QSOX1: variants seen among roughly 807,000 people sequenced by gnomAD.
The protein encoded by QSOX1 is quiescin sulfhydryl oxidase 1.
A neutral mutation model predicts 76.1 loss-of-function variants in QSOX1; 40 were observed. The ratio of observed to expected loss-of-function variants is 0.53; its 90% CI spans 0.41 to 0.68. The LOEUF (loss-of-function observed/expected upper bound fraction) is 0.68, where lower values mean the gene tolerates loss of function less well. QSOX1 is among the 30% of genes least tolerant of loss of function. The probability of loss-of-function intolerance (pLI) is 0.00; values close to 1 mark genes in which losing one functional copy is unlikely to be tolerated. For missense variants in QSOX1, 931 were observed against 974.3 expected, an observed-to-expected ratio of 0.96 and a Z score of 0.59; for synonymous variants, 392 against 413.1, an observed-to-expected ratio of 0.95 and a Z score of 0.62.
chr1:180,168,489 G>T (rs1662685545), intron 2 of QSOX1, among the ~76,000 whole-genome samples: 1 of 152,232 alleles, frequency 6.6e-6, no homozygotes, highest in African/African-American at 2.4e-5. Context: ...GAGCTGGCAG[G>T]TCTCTGCTCT....
chr1:180,183,993 C>T lies in QSOX1; in HGVS notation c.830C>T (p.Thr277Ile), dbSNP rs1663105102. ...SGLTREAAQT[T>I]VAPTTANKIA... ...CTCACCAGGGAGGCTGCCCAGACCACAGTTGCACCAACCACTGCTAACAAG... is the reference window on the plus strand; with the variant it reads ...CTCACCAGGGAGGCTGCCCAGACCATAGTTGCACCAACCACTGCTAACAAG... Residue 277 changes from threonine to isoleucine, a missense_variant, in exon 7 of 12, where the codon ACA (threonine) becomes ATA (isoleucine). Thr to Ile is a moderately conservative substitution (Grantham distance 89, BLOSUM62 -1). Transcript: ENST00000367602. 2 of 1,614,050 alleles carry T rather than the reference C, an allele frequency of 1.2e-6. No individual in the cohort carries two copies. The highest frequency in any genetic ancestry group is 1.3e-5 in the African/African-American group (1 of 74,922).
rs1417855917 is a variant in QSOX1, at chr1:180,196,467, G to C, written c.1674G>C (p.Val558=). 2 of 1,614,034 alleles carry C rather than the reference G, an allele frequency of 1.2e-6. No homozygotes were observed. Among genetic ancestry groups the C allele is most frequent in the African/African-American group, 2.7e-5 (2 of 75,056 alleles). Residue 558 remains valine, a synonymous_variant, in exon 12 of 12, where the codon GTG becomes GTC. Coordinates refer to ENST00000367602, the MANE Select transcript of QSOX1 (RefSeq NM_002826.5). The surrounding 1 kb of genome is among the most constrained non-coding windows in gnomAD (Gnocchi z 4.1). The part of the protein sequence containing the change: ...GSAARRDVQN[V]AAAPELAMGA... ...CTGCCCGGAGGGATGTGCAGAATGT[G>C]GCAGCCGCCCCAGAGCTGGCGATGG...
intron 8 of QSOX1, among the ~76,000 whole-genome samples, chr1:180,186,406 G>A (rs576310894): frequency 6.6e-6 from 1 of 152,344 alleles, no homozygotes; most frequent in Admixed American, 6.5e-5. Context: ...CCATGCAGCA[G>A]TGTGGGTGGG....
intron 2 of QSOX1, among the ~76,000 whole-genome samples, chr1:180,173,255 C>T (rs1444361540): frequency 1.3e-5 from 2 of 152,112 alleles, no homozygotes; most frequent in Admixed American, 1.3e-4. Context: ...AGCCACTGCA[C>T]CTGACCTGGT....
intron 10 of QSOX1, 80 bp from the exon 11 acceptor site, chr1:180,194,133 G>C: frequency 7.2e-7 from 1 of 1,386,996 alleles, no homozygotes; most frequent in Non-Finnish European, 9.8e-7. Context: ...GATGGGGGGC[G>C]GCAGGGTGGC....
intron 2 of QSOX1, among the ~76,000 whole-genome samples, chr1:180,169,990 T>C (rs899999367): frequency 6.6e-6 from 1 of 152,072 alleles, no homozygotes; most frequent in Non-Finnish European, 1.5e-5. Context: ...GCGGGCCTTA[T>C]AGGCAGGCGA....
intron 7 of QSOX1, among the ~76,000 whole-genome samples, chr1:180,184,428 C>A (rs6664185): frequency 3.9e-5 from 6 of 152,238 alleles, no homozygotes; most frequent in African/African-American, 1.4e-4. Flanking sequence ...TTTGAGTACT[C>A]ACTATGTGCT....
rs114901198 is a variant in QSOX1 at position 180,184,310 on chromosome 1, C to T, written c.887+260C>T. 7.2e-3 allele frequency among the ~76,000 whole-genome samples: 1,096 copies of T among 152,278 alleles called. 13 individuals carry two copies. Among genetic ancestry groups the T allele is most frequent in the Admixed American group, 8.0e-3 (122 of 15,304 alleles). On this transcript the variant is annotated intron_variant, in intron 7 of 11. Transcript: ENST00000367602. ...GGGGAATGAACACCTTCCATGCCCA[C>T]GCTCCTTCAGCTTAACTCTGCTCAC... is the stretch of plus-strand genomic sequence containing the variant.
intron 5 of QSOX1, among the ~76,000 whole-genome samples, chr1:180,181,153 C>G (rs941780169): frequency 6.6e-6 from 1 of 152,054 alleles, no homozygotes; most frequent in Non-Finnish European, 1.5e-5. Context: ...TTAGCTAGTG[C>G]TTTCTCTTTA....
At position 180,182,104 on chromosome 1, in the gene QSOX1, C is replaced by T. The variant is rs372986163; in HGVS notation, c.607-70C>T. On this transcript the variant is annotated intron_variant, in intron 5 of 11. Coordinates refer to ENST00000367602, the MANE Select transcript of QSOX1 (RefSeq NM_002826.5). Reference sequence around the variant, plus strand: ...CCATCTGGGTGCCTTCACAGGTCACCGAGCTGGGACCCAGCCCTGGCTCCC... The same window carrying T: ...CCATCTGGGTGCCTTCACAGGTCACTGAGCTGGGACCCAGCCCTGGCTCCC... 6.3e-5 allele frequency: 99 copies of T among 1,562,842 alleles called. 1 individual carries two copies. In the Middle Eastern group the frequency reaches 1.5e-3, roughly 24 times the overall value.
intron 8 of QSOX1, 115 bp from the exon 9 acceptor site, chr1:180,189,437 C>CT: frequency 2.6e-6 from 1 of 387,716 alleles, no homozygotes; most frequent in Non-Finnish European, 4.7e-6. Context: ...CTCCTCCCCA[C>CT]TGCCCCCCGC....
intron 1 of QSOX1, among the ~76,000 whole-genome samples, chr1:180,165,366 C>T (rs771608267): frequency 6.6e-6 from 1 of 152,224 alleles, no homozygotes; most frequent in Non-Finnish European, 1.5e-5. Context: ...CCATGGACGT[C>T]ATCCTGAGCT....
At chr1:180,181,938 A>T (rs1663048931) in intron 5 of QSOX1, among the ~76,000 whole-genome samples, 1 of 152,244 alleles carries the variant, frequency 6.6e-6, no homozygotes, top group Non-Finnish European at 1.5e-5. Flanking sequence ...CGTGTGTGGC[A>T]TGCACAGCTC....
chr1:180,197,565 C>T lies in QSOX1; in HGVS notation c.*528C>T, dbSNP rs143155809. The T allele has an allele frequency of 7.7e-5, 48 of 624,422 alleles. No individual in the cohort carries two copies. Among genetic ancestry groups the T allele is most frequent in the African/African-American group, 7.2e-4 (39 of 54,322 alleles). 38.7% of individuals were successfully genotyped at this position (624,422 alleles called of 1,614,324 possible). On this transcript the variant is annotated 3_prime_UTR_variant, in exon 12 of 12. Transcript: ENST00000367602. ...GGGCCCTCTATGCCTGGCCAGCCTC[C>T]AGCTCCTCAGACCTCCTGGGTGGGG...
At chr1:180,173,880 G>A (rs1662817589) in intron 2 of QSOX1, among the ~76,000 whole-genome samples, 1 of 152,210 alleles carries the variant, frequency 6.6e-6, no homozygotes, top group Non-Finnish European at 1.5e-5. Flanking sequence ...AAGGTAGATG[G>A]TGTCATCCTC....
chr1:180,196,812 C>A lies in QSOX1; in HGVS notation c.2019C>A (p.Arg673=), dbSNP rs3738114. The A allele has an allele frequency of 1.4e-3, 2,207 of 1,611,176 alleles. 22 individuals are homozygous for A. The East Asian group carries it at 0.025, about 18-fold the overall frequency. The change falls in exon 12 of 12, where the codon CGC becomes CGA. Residue 673 remains arginine, a synonymous_variant. Transcript: ENST00000367602. This position sits in a 1 kb window ranked among gnomAD's most constrained non-coding sequence, Gnocchi z 4.1. ...WGPLEVRRVG[R]SSKQLVDIPE... ...CTTTGGAGGTCAGGCGCGTGGGCCG[C>A]AGCTCCAAGCAGCTGGTCGACATCC...
At chr1:180,167,738 C>T (rs1005516385) in intron 2 of QSOX1, among the ~76,000 whole-genome samples, 1 of 152,224 alleles carries the variant, frequency 6.6e-6, no homozygotes, top group African/African-American at 2.4e-5. Context: ...TGATAGCGAA[C>T]CAACAGCTAC....
At chr1:180,184,157 T>G in intron 7 of QSOX1, 107 bp downstream of exon 7, 5 of 1,408,736 alleles carry the variant, frequency 3.5e-6, no homozygotes, top group Non-Finnish European at 3.9e-6. Flanking sequence ...TGTCATATGA[T>G]TAGTGTGTAC....
chr1:180,189,964 T>C (rs1352722143), intron 9 of QSOX1, among the ~76,000 whole-genome samples: 2 of 152,192 alleles, frequency 1.3e-5, no homozygotes, highest in African/African-American at 2.4e-5. Flanking sequence ...AGCCAGTAAG[T>C]GTTTGGGCTG....
Sources: allele counts gnomAD v4.1 joint callset (sites outside exome capture counted in the v4.1 genomes callset), GRCh38; gene constraint gnomAD v4.1.1; non-coding constraint Gnocchi (gnomAD v3.1); transcripts MANE v1.5; gene names NCBI Gene and HGNC (gene_info 2026-07-23, HGNC 2026-07-21).